The following DLGAP2 variants were observed in gnomAD, a reference collection of about 807,000 sequenced individuals.
DLGAP2 encodes the protein disks large-associated protein 2.
A neutral mutation model predicts 100.3 loss-of-function variants in DLGAP2; 26 were observed. That is an observed-to-expected ratio of 0.26 (90% confidence interval 0.19 to 0.36). The LOEUF is 0.36. DLGAP2 is among the 10% of genes least tolerant of loss of function. The pLI is 1.00. For missense variants in DLGAP2, 1,858 were observed against 1,453.2 expected (o/e 1.28, Z -4.53); for synonymous variants, 886 against 630.1 (o/e 1.41, Z -6.08).
chr8:903,402 C>G (rs1798302630), intron 1 of DLGAP2, among the ~76,000 whole-genome samples: 2 of 152,090 alleles, frequency 1.3e-5, no homozygotes, highest in African/African-American at 4.8e-5. Flanking sequence ...GCTGTGATGT[C>G]AGCTCAATAC....
In DLGAP2 at chr8:1,493,549, T is replaced by C. The variant is rs555886394; in HGVS notation, c.107-7817T>C. 1.9e-4 allele frequency among the ~76,000 whole-genome samples: 29 copies of C among 152,326 alleles called. 1 individual carries two copies. The South Asian group carries it at 5.4e-3, about 28-fold the overall frequency. The stretch of plus-strand genomic sequence containing the variant: ...ACCCAGAGACACACCTGAACGTGTG[T>C]GGGAGCCGCGAGGGTCCTGGTGAAG... On this transcript the variant is annotated intron_variant, in intron 3 of 14. Transcript: ENST00000637795.
intron 4 of DLGAP2, among the ~76,000 whole-genome samples, chr8:1,502,688 C>T (rs1400269860): frequency 6.6e-6 from 1 of 152,218 alleles, no homozygotes; most frequent in South Asian, 2.1e-4. Flanking sequence ...GATGAATCTT[C>T]ACTACTCAGC....
intron 4 of DLGAP2, among the ~76,000 whole-genome samples, chr8:1,545,378 T>G (rs1378922839): frequency 6.6e-6 from 1 of 152,176 alleles, no homozygotes; most frequent in African/African-American, 2.4e-5. Flanking sequence ...GCCCCATAAG[T>G]GCAACAGTAA....
chr8:1,478,586 G>A (rs184996732), intron 3 of DLGAP2, among the ~76,000 whole-genome samples: 177 of 152,228 alleles, frequency 1.2e-3, no homozygotes, highest in African/African-American at 3.9e-3. Context: ...GATCTGGTCC[G>A]GGACGCGGCA....
At chr8:890,598 C>G (rs1350473927) in intron 1 of DLGAP2, among the ~76,000 whole-genome samples, 1 of 151,978 alleles carries the variant, frequency 6.6e-6, no homozygotes, top group Non-Finnish European at 1.5e-5. Context: ...TGCGTAATTC[C>G]TCCTTGCGCT....
At chr8:1,329,807 T>C (rs1563086353) in intron 3 of DLGAP2, among the ~76,000 whole-genome samples, 1 of 152,196 alleles carries the variant, frequency 6.6e-6, no homozygotes, top group Non-Finnish European at 1.5e-5. Flanking sequence ...CCTATCAAAC[T>C]GGGGCTGGAT....
intron 2 of DLGAP2, chr8:1,002,784 T>A (rs3935691): frequency 0.11 from 16,810 of 152,004 alleles, 1,279 homozygotes; most frequent in Non-Finnish European, 0.16. Flanking sequence ...GCCTGGGGGG[T>A]CTCGGAGCCA....
At chr8:850,164 G>C (rs1797159536) in intron 1 of DLGAP2, among the ~76,000 whole-genome samples, 1 of 151,910 alleles carries the variant, frequency 6.6e-6, no homozygotes, top group South Asian at 2.1e-4. Flanking sequence ...GACATTTGCA[G>C]ATATATCTCC....
At chr8:1,136,023 A>G (rs1373048072) in intron 2 of DLGAP2, among the ~76,000 whole-genome samples, 1 of 152,210 alleles carries the variant, frequency 6.6e-6, no homozygotes, top group Non-Finnish European at 1.5e-5. Context: ...CAAGTCAAGA[A>G]GCTCATTCTC....
At chr8:1,678,151 G>T (rs558916603) in intron 11 of DLGAP2, 63 bp from the exon 12 acceptor site, 2 of 1,542,186 alleles carry the variant, frequency 1.3e-6, no homozygotes, top group Non-Finnish European at 1.8e-6. Context: ...CGACATGTAG[G>T]ACTTTGTTGC....
At chr8:1,094,792 A>G (rs1382225361) in intron 2 of DLGAP2, among the ~76,000 whole-genome samples, 1 of 152,220 alleles carries the variant, frequency 6.6e-6, no homozygotes, top group East Asian at 1.9e-4. Context: ...GGCATTGAAC[A>G]CAGAAGGCTT....
intron 4 of DLGAP2, among the ~76,000 whole-genome samples, chr8:1,528,603 T>C (rs1800876534): frequency 6.6e-6 from 1 of 152,242 alleles, no homozygotes; most frequent in Non-Finnish European, 1.5e-5. Flanking sequence ...TGATGCTGGC[T>C]CTGTCTCCTG....
chr8:746,520 G>C (rs556710043), intron 1 of DLGAP2, among the ~76,000 whole-genome samples: 2 of 152,350 alleles, frequency 1.3e-5, no homozygotes, highest in Admixed American at 1.3e-4. Context: ...TGGGAGAGAA[G>C]ATCTGTGGGA....
chr8:906,405 G>A (rs1039328887), intron 1 of DLGAP2, among the ~76,000 whole-genome samples: 11 of 152,210 alleles, frequency 7.2e-5, no homozygotes, highest in East Asian at 3.9e-4. Context: ...GGTGGGTTCT[G>A]AGGCCTGGCC....
chr8:1,288,807 A>C (rs78764818), intron 3 of DLGAP2, among the ~76,000 whole-genome samples: 1 of 149,392 alleles, frequency 6.7e-6, no homozygotes, highest in African/African-American at 2.5e-5. Flanking sequence ...GAGGGGAACT[A>C]GTTTCGGTTC....
chr8:1,543,086 A>G (rs866274139), intron 4 of DLGAP2, among the ~76,000 whole-genome samples: 26 of 152,222 alleles, frequency 1.7e-4, no homozygotes, highest in African/African-American at 6.3e-4. Context: ...TGTCAGATTT[A>G]TATATTCTGG....
intron 3 of DLGAP2, among the ~76,000 whole-genome samples, chr8:1,460,189 A>T (rs537963254): frequency 6.6e-6 from 1 of 152,290 alleles, no homozygotes; most frequent in Non-Finnish European, 1.5e-5. Context: ...AAGCCTAAGA[A>T]TTGAGCCTGT....
At chr8:1,661,720 G>T (rs1360449542) in intron 8 of DLGAP2, among the ~76,000 whole-genome samples, 1 of 152,180 alleles carries the variant, frequency 6.6e-6, no homozygotes, top group Non-Finnish European at 1.5e-5. Context: ...TGCTATCTGG[G>T]AGGCCTGATG....
At position 1,049,824 on chromosome 8, in the gene DLGAP2, A is replaced by G. The variant is rs150229683; in HGVS notation, c.73+141858A>G. Among the ~76,000 whole-genome samples, 703 of 152,328 alleles carry G rather than the reference A, an allele frequency of 4.6e-3. 7 individuals are homozygous for G. Among genetic ancestry groups the G allele is most frequent in the Admixed American group, 8.9e-3 (136 of 15,306 alleles). ...GTAACAGGTGTGCATACGTGTACAC[A>G]TATGCATAGGCAGTCACATGTGTGG... On this transcript the variant is annotated intron_variant, in intron 2 of 14. Transcript: ENST00000637795.
Sources: gnomAD v4.1 joint callset for allele counts (sites outside exome capture counted in the v4.1 genomes callset) on GRCh38, gnomAD v4.1.1 for gene constraint, MANE v1.5 for transcripts, NCBI Gene and HGNC (gene_info 2026-07-23, HGNC 2026-07-21) for gene names.